KAZN: variants seen among roughly 807,000 people sequenced by gnomAD.
The protein encoded by KAZN is kazrin, periplakin interacting protein, also known as kazrin.
In KAZN, 40 loss-of-function variants were observed where a neutral mutation model predicts 87.4. That is an observed-to-expected ratio of 0.46 (90% CI 0.36 to 0.60). The LOEUF (loss-of-function observed/expected upper bound fraction) is 0.60. Among genes scored for constraint, KAZN ranks in the 20% least tolerant of loss-of-function variants. The probability of loss-of-function intolerance (pLI) is 0.00; values close to 1 mark genes in which losing one functional copy is unlikely to be tolerated. For missense variants in KAZN, 898 were observed against 1,073.9 expected (o/e 0.84, Z 2.29); for synonymous variants, 466 against 458.3 (o/e 1.02, Z -0.22).
rs535175432 is a variant in KAZN, at chr1:13,962,706, C to T, written c.91+68950C>T. 2.9e-3 allele frequency among the ~76,000 whole-genome samples: 447 copies of T among 152,242 alleles called. 5 individuals carry two copies. Among genetic ancestry groups the T allele is most frequent in the Non-Finnish European group, 3.9e-3 (263 of 68,010 alleles). On this transcript the variant is annotated intron_variant, in intron 1 of 16. Coordinates refer to the KAZN transcript ENST00000636203. ...CCATGTAGCCAGGATTACAGGAGTGCACCACCACGCCTGGCTAAGTTTTGT... is the reference window on the plus strand; with the variant it reads ...CCATGTAGCCAGGATTACAGGAGTGTACCACCACGCCTGGCTAAGTTTTGT...
At chr1:15,001,741 T>C (rs991887421) in intron 2 of KAZN, among the ~76,000 whole-genome samples, 3 of 152,132 alleles carry the variant, frequency 2.0e-5, no homozygotes, top group Non-Finnish European at 2.9e-5. Context: ...CCAGAGGCAG[T>C]GTGTTCCCAA....
intron 1 of KAZN, among the ~76,000 whole-genome samples, chr1:14,124,930 G>C (rs1644831874): frequency 6.6e-6 from 1 of 152,200 alleles, no homozygotes; most frequent in Non-Finnish European, 1.5e-5. Context: ...CAGCAAACAA[G>C]TAAGTGAATC....
chr1:13,893,764 T>C, intron 1 of KAZN: 1 of 1,550,314 alleles, frequency 6.5e-7, no homozygotes, highest in Non-Finnish European at 8.7e-7. Flanking sequence ...CAGGTAGGAA[T>C]TGCGTCGTGT....
intron 2 of KAZN, among the ~76,000 whole-genome samples, chr1:14,244,369 C>T (rs1649297159): frequency 6.6e-6 from 1 of 152,208 alleles, no homozygotes; most frequent in East Asian, 1.9e-4. Flanking sequence ...ACTCTCTAAC[C>T]CACTATTATG....
At chr1:14,687,249 G>A (rs760786546) in intron 1 of KAZN, among the ~76,000 whole-genome samples, 10 of 152,072 alleles carry the variant, frequency 6.6e-5, no homozygotes, top group Non-Finnish European at 1.3e-4. Flanking sequence ...TACTCACCAT[G>A]TATTAAGCAC....
intron 2 of KAZN, among the ~76,000 whole-genome samples, chr1:14,194,770 G>A (rs1161120544): frequency 6.6e-6 from 1 of 152,178 alleles, no homozygotes; most frequent in Non-Finnish European, 1.5e-5. Flanking sequence ...CTAAATCAGA[G>A]CAGCTGAAGG....
chr1:14,930,855 G>A (rs1659731926), intron 1 of KAZN, among the ~76,000 whole-genome samples: 1 of 152,226 alleles, frequency 6.6e-6, no homozygotes, highest in Non-Finnish European at 1.5e-5. Flanking sequence ...TTGGGAGGGG[G>A]GAACCCTGGG....
intron 2 of KAZN, among the ~76,000 whole-genome samples, chr1:14,337,877 G>C (rs944653890): frequency 7.3e-6 from 1 of 137,858 alleles, no homozygotes; most frequent in East Asian, 2.2e-4. Context: ...CTGGGTGACA[G>C]AGCAAGACTC....
chr1:14,610,576 C>T (rs1677736016), intron 1 of KAZN, among the ~76,000 whole-genome samples: 1 of 152,124 alleles, frequency 6.6e-6, no homozygotes, highest in South Asian at 2.1e-4. Flanking sequence ...CTTCTAGTTT[C>T]CCTAACAAGC....
intron 2 of KAZN, among the ~76,000 whole-genome samples, chr1:14,296,617 G>A (rs1455702102): frequency 7.9e-6 from 1 of 126,004 alleles, no homozygotes; most frequent in East Asian, 2.6e-4. Context: ...GTAGGGCTGA[G>A]TTTTTGTATT....
intron 2 of KAZN, among the ~76,000 whole-genome samples, chr1:14,568,698 G>A (rs1466903558): frequency 6.6e-6 from 1 of 152,158 alleles, no homozygotes; most frequent in African/African-American, 2.4e-5. Flanking sequence ...CATATCAACA[G>A]CCAACTCAGC....
At chr1:14,341,292 CAA>C (rs568952993) in intron 2 of KAZN, among the ~76,000 whole-genome samples, 206 of 152,326 alleles carry the variant, frequency 1.4e-3, no homozygotes, top group African/African-American at 4.6e-3. Flanking sequence ...ATGATGATCT[CAA>C]GTGTGATTTA....
intron 1 of KAZN, among the ~76,000 whole-genome samples, chr1:14,101,481 C>G (rs563529308): frequency 1.3e-5 from 2 of 152,248 alleles, no homozygotes; most frequent in South Asian, 4.2e-4. Context: ...TATCTCACTC[C>G]AAAGTGCTTT....
At chr1:14,724,962 G>C (rs1166763047) in intron 1 of KAZN, among the ~76,000 whole-genome samples, 1 of 152,184 alleles carries the variant, frequency 6.6e-6, no homozygotes, top group East Asian at 1.9e-4. Context: ...AAAATGACCA[G>C]GAAACTTGAG....
intron 14 of KAZN, 148 bp downstream of exon 14, chr1:15,112,689 G>C (rs1641692937): frequency 3.4e-6 from 2 of 586,912 alleles, no homozygotes; most frequent in Admixed American, 6.0e-5. Flanking sequence ...AGATGCCCTG[G>C]ATGTACCTTC....
chr1:14,103,399 A>G (rs564126318), intron 1 of KAZN, among the ~76,000 whole-genome samples: 2 of 152,358 alleles, frequency 1.3e-5, no homozygotes, highest in African/African-American at 4.8e-5. Context: ...AATTCAGCCC[A>G]TACCAGCTGC....
At chr1:14,739,638 G>A (rs1349002500) in intron 1 of KAZN, among the ~76,000 whole-genome samples, 1 of 151,912 alleles carries the variant, frequency 6.6e-6, no homozygotes, top group Non-Finnish European at 1.5e-5. Flanking sequence ...TTCACATGAC[G>A]AGAAGTCTTC....
intron 2 of KAZN, among the ~76,000 whole-genome samples, chr1:14,380,048 G>C (rs1661244445): frequency 6.6e-6 from 1 of 152,236 alleles, no homozygotes; most frequent in South Asian, 2.1e-4. Context: ...TTGTTTGAGA[G>C]AACATAATGG....
At chr1:14,168,124 G>A (rs1645872320) in intron 1 of KAZN, among the ~76,000 whole-genome samples, 1 of 152,138 alleles carries the variant, frequency 6.6e-6, no homozygotes, top group Non-Finnish European at 1.5e-5. Context: ...GTCTTTACCG[G>A]ACAACGACAT....
Sources: allele counts gnomAD v4.1 joint callset (sites outside exome capture counted in the v4.1 genomes callset), GRCh38; gene constraint gnomAD v4.1.1; transcripts MANE v1.5; gene names NCBI Gene and HGNC (gene_info 2026-07-23, HGNC 2026-07-21).